Variants in C1R observed in about 807,000 individuals in gnomAD.
C1R encodes the protein complement C1r subcomponent.
In C1R, 15 loss-of-function variants were observed where a neutral mutation model predicts 27.6. The observed-to-expected ratio is 0.54, with a 90% confidence interval of 0.36 to 0.84. The LOEUF is 0.84. C1R is among the 40% of genes least tolerant of loss of function. The probability of loss-of-function intolerance (pLI) is 0.01; values close to 1 mark genes in which losing one functional copy is unlikely to be tolerated. For missense variants in C1R, 544 were observed against 577.9 expected (o/e 0.94, Z 0.60); for synonymous variants, 253 against 228.8 (o/e 1.11, Z -0.95).
Position 7,090,186 on chromosome 12 carries a change from G to A in C1R, c.294C>T (p.Asn98=), listed in dbSNP as rs1250867992. The A allele has an allele frequency of 2.7e-6, 2 of 754,638 alleles. No homozygotes were observed. The highest frequency in any genetic ancestry group is 1.7e-5 in the African/African-American group (1 of 58,784). 46.7% of individuals were successfully genotyped at this position (754,638 alleles called of 1,614,324 possible). A position where few individuals can be genotyped will look rare whatever the true frequency, so the allele number is the denominator to read the frequency against. Residue 98 remains asparagine (N), a synonymous_variant, in exon 3 of 11, where the codon AAC becomes AAT. Coordinates refer to ENST00000647956, the MANE Select transcript of C1R (RefSeq NM_001733.7). ...FCGQLGSPLG[N]PPGKKEFMSQ... ...ACATAAATTCCTTCTTTCCCGGGGG[G>A]TTGCCCAGTGGAGAACCCAGTTGCC...
intron 7 of C1R, chr12:7,086,916 A>C (rs1373961825): frequency 3.3e-5 from 5 of 153,166 alleles, no homozygotes; most frequent in African/African-American, 1.2e-4. Context: ...CTAAGGACAG[A>C]GGCCTTCCCT....
chr12:7,081,249 C>T lies in C1R; in HGVS notation c.1401G>A (p.Gly467=), dbSNP rs759592558. Residue 467 remains glycine, a synonymous_variant, in exon 11 of 11, where the codon GGG becomes GGA. Transcript: ENST00000647956. ...PVEQRQRIIG[G]QKAKMGNFPW... is the part of the protein sequence containing the mutation. ...GGAAGTTGCCCATCTTGGCTTTTTGCCCTCCGATGATGCGCTGCCTCTGTT... is the reference window on the plus strand; with the variant it reads ...GGAAGTTGCCCATCTTGGCTTTTTGTCCTCCGATGATGCGCTGCCTCTGTT... 1 of 1,612,352 alleles carries T rather than the reference C, an allele frequency of 6.2e-7. No homozygotes were observed. Among genetic ancestry groups the T allele is most frequent in the Non-Finnish European group, 8.5e-7 (1 of 1,179,160 alleles).
chr12:7,081,026 C>T lies in C1R; in HGVS notation c.1624G>A (p.Val542Ile), dbSNP rs368565738. ...TCATCCTGACGGTAGTCCGGGTGGACGCTGACCCTGCGGATGGGGTGATTT... is the reference window on the plus strand; with the variant it reads ...TCATCCTGACGGTAGTCCGGGTGGATGCTGACCCTGCGGATGGGGTGATTT... The part of the protein sequence containing the change: ...LGNHPIRRVS[V>I]HPDYRQDESY... Residue 542 changes from valine to isoleucine, a missense_variant, in exon 11 of 11, where the codon GTC becomes ATC. Physicochemically the swap from Val to Ile is conservative, Grantham distance 29 (BLOSUM62 3). Coordinates refer to ENST00000647956, the MANE Select transcript of C1R (RefSeq NM_001733.7). 6.2e-5 allele frequency: 100 copies of T among 1,613,900 alleles called. No individual in the cohort carries two copies. Among genetic ancestry groups the T allele is most frequent in the African/African-American group, 4.0e-5 (3 of 74,920 alleles).
In C1R at chr12:7,081,365, A is replaced by G; in HGVS notation, c.1349-64T>C. On this transcript the variant is annotated intron_variant, in intron 10 of 10. Coordinates refer to ENST00000647956, the MANE Select transcript of C1R (RefSeq NM_001733.7). ...CAGGTCCCACATCTCTTCCTTCTGC[A>G]GCCAGCCAGCTCCCTGTTTGCCCTC... 2.8e-6 allele frequency: 4 copies of G among 1,444,464 alleles called. No homozygotes were observed. The South Asian group carries it at 4.8e-5, about 17-fold the overall frequency. 89.5% of individuals were successfully genotyped at this position (1,444,464 alleles called of 1,614,324 possible). A position where few individuals can be genotyped will look rare whatever the true frequency, so the allele number is the denominator to read the frequency against.
chr12:7,088,580 G>A (rs758122317), intron 7 of C1R, 30 bp downstream of exon 7: 12 of 719,072 alleles, frequency 1.7e-5, no homozygotes, highest in South Asian at 5.9e-5. Context: ...GTGCTGGGCC[G>A]GCTCTCTCCC....
intron 9 of C1R, among the ~76,000 whole-genome samples, chr12:7,082,619 C>T (rs1938085739): frequency 6.6e-6 from 1 of 152,086 alleles, no homozygotes; most frequent in South Asian, 2.1e-4. Context: ...GTGTGAGCCA[C>T]CACGCCTGGC....
At position 7,089,723 on chromosome 12, in the gene C1R, TTCA is replaced by T; in HGVS notation, c.432_434del (p.Asp144del). On this transcript the variant is annotated inframe_deletion, in exon 4 of 11. Coordinates refer to ENST00000647956, the MANE Select transcript of C1R (RefSeq NM_001733.7). ...CCCCTGATTTGCTCCGGGAAGCACA[TTCA>T]TCAAGGTCTGGAAGGCATTCAGGAA... 1 of 780,776 alleles carries T rather than the reference TTCA, an allele frequency of 1.3e-6. No homozygotes were observed. The highest frequency in any genetic ancestry group is 2.4e-6 in the Non-Finnish European group (1 of 417,956). 48.4% of individuals were successfully genotyped at this position (780,776 alleles called of 1,614,324 possible).
At position 7,083,498 on chromosome 12, in the gene C1R, G is replaced by GTGGTGGTGGTGATATTGGTGTTGGTAA. The variant is rs1368982540; in HGVS notation, c.1274-1419_1274-1393dup. ...GATGGTGGTGTTGGTGTTGGCAATG[G>GTGGTGGTGGTGATATTGGTGTTGGTAA]TGGTGGTGGTGATATTGGTGTTGGT... On this transcript the variant is annotated intron_variant, in intron 9 of 10. Coordinates refer to ENST00000647956, the MANE Select transcript of C1R (RefSeq NM_001733.7). Among the ~76,000 whole-genome samples, 45 of 73,528 alleles carry GTGGTGGTGGTGATATTGGTGTTGGTAA rather than the reference G, an allele frequency of 6.1e-4. 1 individual carries two copies. Among genetic ancestry groups the GTGGTGGTGGTGATATTGGTGTTGGTAA allele is most frequent in the Admixed American group, 5.7e-3 (37 of 6,544 alleles). 48.2% of individuals were successfully genotyped at this position (73,528 alleles called of 152,430 possible). A position where few individuals can be genotyped will look rare whatever the true frequency, so the allele number is the denominator to read the frequency against.
Position 7,089,508 on chromosome 12 carries a change from AG to A in C1R, c.572-20del, listed in dbSNP as rs1423406418. 2.6e-6 allele frequency: 2 copies of A among 778,106 alleles called. No individual in the cohort carries two copies. The highest frequency in any genetic ancestry group is 4.8e-6 in the Non-Finnish European group (2 of 416,076). 48.2% of individuals were successfully genotyped at this position (778,106 alleles called of 1,614,324 possible). Reference sequence around the variant, plus strand: ...CACTCAGCTGTGAGAGCAGAGCCACAGGGCATTACGGGGGACTCCAGCTGGC... The same window carrying A: ...CACTCAGCTGTGAGAGCAGAGCCACAGGCATTACGGGGGACTCCAGCTGGC... On this transcript the variant is annotated intron_variant, in intron 4 of 10. Coordinates refer to ENST00000647956, the MANE Select transcript of C1R (RefSeq NM_001733.7).
In C1R at chr12:7,089,203, G is replaced by C. The variant is rs937629934; in HGVS notation, c.768+90C>G. ...ATGTTGGCCGTTCCTGCCCCAGCTG[G>C]CCAGGGGATCCAGGAGGAAGTTGGG... On this transcript the variant is annotated intron_variant, in intron 5 of 10. Coordinates refer to ENST00000647956, the MANE Select transcript of C1R (RefSeq NM_001733.7). 3 of 705,212 alleles carry C rather than the reference G, an allele frequency of 4.3e-6. No individual in the cohort carries two copies. In the African/African-American group the frequency reaches 5.2e-5, roughly 12 times the overall value. 43.7% of individuals were successfully genotyped at this position (705,212 alleles called of 1,614,324 possible). A position where few individuals can be genotyped will look rare whatever the true frequency, so the allele number is the denominator to read the frequency against.
chr12:7,081,411 TTTCTC>T (rs1402116830), intron 10 of C1R, 110 bp from the exon 11 acceptor site: 1 of 912,436 alleles, frequency 1.1e-6, no homozygotes, highest in East Asian at 2.6e-5. Flanking sequence ...TTCTGTCTCT[TTTCTC>T]TTTCTCCTCC....
intron 1 of C1R, chr12:7,092,080 T>C (rs1938290635): frequency 1.7e-6 from 1 of 578,870 alleles, no homozygotes; most frequent in African/African-American, 1.9e-5. Flanking sequence ...GGAGAAACCA[T>C]CTGTGGAGTG....
chr12:7,082,246 C>T (rs1299237735), intron 9 of C1R, 140 bp from the exon 10 acceptor site: 3 of 660,712 alleles, frequency 4.5e-6, no homozygotes, highest in African/African-American at 3.6e-5. Flanking sequence ...AGGTCAAAGG[C>T]TCAACTCTAG....
At position 7,080,776 on chromosome 12, in the gene C1R, C is replaced by CG; in HGVS notation, c.1873dup (p.Arg625ProfsTer5). ...GAACACATCCATCCTATTCTTTCCC[C>CG]GGAGCCAGTTCTCACAGGCCTGTGG... On this transcript the variant is annotated frameshift_variant, in exon 11 of 11. Coordinates refer to ENST00000647956, the MANE Select transcript of C1R (RefSeq NM_001733.7). LOFTEE classifies it high-confidence loss of function. The surrounding 1 kb of genome is among the most constrained non-coding windows in gnomAD (Gnocchi z 4.9). The CG allele has an allele frequency of 6.2e-7, 1 of 1,613,942 alleles. No individual in the cohort carries two copies. Among genetic ancestry groups the CG allele is most frequent in the Non-Finnish European group, 8.5e-7 (1 of 1,179,874 alleles).
chr12:7,088,513 C>T, intron 7 of C1R, 97 bp downstream of exon 7: 1 of 717,936 alleles, frequency 1.4e-6, no homozygotes, highest in Non-Finnish European at 2.6e-6. Context: ...ACGTCTACGA[C>T]TCCAGCTGGG....
rs958168977 is a variant in C1R at position 7,091,870 on chromosome 12, G to A, written c.3-190C>T. ...GGATGGCCTGTGCAGCTGCTGCATC[G>A]GGTCACTCTCCAGGGCAGTGTCCAG... On this transcript the variant is annotated intron_variant, in intron 1 of 10. Coordinates refer to ENST00000647956, the MANE Select transcript of C1R (RefSeq NM_001733.7). The surrounding 1 kb of genome is among the most constrained non-coding windows in gnomAD (Gnocchi z 5.1). The A allele has an allele frequency of 7.2e-6, 5 of 695,690 alleles. No homozygotes were observed. The highest frequency in any genetic ancestry group is 4.0e-5 in the Admixed American group (2 of 49,818). The allele number at this position is 695,690 out of a possible 1,614,324, so 43.1% of individuals were successfully genotyped here.
At chr12:7,081,398 G>A in intron 10 of C1R, 97 bp from the exon 11 acceptor site, 1 of 1,126,764 alleles carries the variant, frequency 8.9e-7, no homozygotes, top group South Asian at 1.3e-5. Flanking sequence ...CTCTCTTTTT[G>A]GCTTCTGTCT....
intron 1 of C1R, 121 bp downstream of exon 1, chr12:7,092,266 A>G: frequency 1.3e-6 from 1 of 759,638 alleles, no homozygotes; most frequent in Non-Finnish European, 2.5e-6. Flanking sequence ...GCGTGTGCAC[A>G]GTGGAACTGA....
chr12:7,081,999 C>T, intron 10 of C1R, 33 bp downstream of exon 10: 1 of 1,530,564 alleles, frequency 6.5e-7, no homozygotes, highest in Non-Finnish European at 8.8e-7. Flanking sequence ...CTGCTAAAGA[C>T]CCTGATGATG....
Sources: allele counts gnomAD v4.1 joint callset (sites outside exome capture counted in the v4.1 genomes callset), GRCh38; gene constraint gnomAD v4.1.1; non-coding constraint Gnocchi (gnomAD v3.1); transcripts MANE v1.5; gene names NCBI Gene and HGNC (gene_info 2026-07-23, HGNC 2026-07-21).